CBLC: variants seen among roughly 807,000 people sequenced by gnomAD.
The protein encoded by CBLC is Cbl proto-oncogene C, also known as E3 ubiquitin-protein ligase CBL-C.
In CBLC, 46 loss-of-function variants were observed where a neutral mutation model predicts 58.6. That is an observed-to-expected ratio of 0.79 (90% CI 0.62 to 1.00). The LOEUF (loss-of-function observed/expected upper bound fraction) is 1.00, where lower values mean the gene tolerates loss of function less well. CBLC is among the 50% of genes least tolerant of loss of function. CBLC has a pLI of 0.00. For synonymous variants in CBLC, 271 were observed against 264.2 expected, an observed-to-expected ratio of 1.03 and a Z score of -0.25; for missense variants, 655 against 625.8, an observed-to-expected ratio of 1.05 and a Z score of -0.50.
intron 9 of CBLC, among the ~76,000 whole-genome samples, chr19:44,795,621 G>T (rs1968162196): frequency 6.6e-6 from 1 of 151,992 alleles, no homozygotes; most frequent in Non-Finnish European, 1.5e-5. Flanking sequence ...CAATATAGCG[G>T]AACCCCGTTC....
chr19:44,790,286 G>T (rs184287643), intron 6 of CBLC, among the ~76,000 whole-genome samples, 195 bp downstream of exon 6: 1 of 152,040 alleles, frequency 6.6e-6, no homozygotes, highest in Non-Finnish European at 1.5e-5. Context: ...GGGTGATCAC[G>T]GGGATTAAAT....
rs762265193 is a variant in CBLC at position 44,778,083 on chromosome 19, C to T, written c.152C>T (p.Thr51Ile). ...PPSLRDLLPR[T>I]AQLLREVAHS... ...TCGCTGCGGGACCTGCTGCCCCGCA[C>T]AGCGCAGCTGCTTCGAGAGGTGGCC... The change falls in exon 1 of 11, where the codon ACA (threonine) becomes ATA (isoleucine). Residue 51 changes from threonine (T) to isoleucine (I), a missense_variant. Thr to Ile is a moderately conservative substitution (Grantham distance 89). Transcript: ENST00000647358. The T allele has an allele frequency of 3.2e-5, 52 of 1,607,978 alleles. No individual in the cohort carries two copies. The highest frequency in any genetic ancestry group is 4.2e-5 in the Non-Finnish European group (49 of 1,179,512).
intron 4 of CBLC, among the ~76,000 whole-genome samples, chr19:44,782,720 G>A (rs773303776): frequency 1.4e-4 from 22 of 152,144 alleles, no homozygotes; most frequent in Non-Finnish European, 2.9e-4. Context: ...GACAGTGCCC[G>A]CTCTAGCAAG....
intron 1 of CBLC, 103 bp from the exon 2 acceptor site, chr19:44,780,802 A>G (rs891273833): frequency 3.4e-5 from 41 of 1,210,562 alleles, no homozygotes; most frequent in Non-Finnish European, 4.3e-5. Context: ...CACTGTTGAG[A>G]TAGAGTCCAG....
chr19:44,782,295 C>G, intron 3 of CBLC, 75 bp from the exon 4 acceptor site: 1 of 1,586,716 alleles, frequency 6.3e-7, no homozygotes, highest in Non-Finnish European at 8.6e-7. Context: ...GTTGGATCCT[C>G]GAGCCCTAGG....
Position 44,792,503 on chromosome 19 carries a change from G to T in CBLC, c.1126G>T (p.Ala376Ser). Residue 376 changes from alanine to serine, a missense_variant, in exon 7 of 11, where the codon GCT (alanine) becomes TCT (serine). By Grantham distance (99) the Ala-to-Ser change is moderately conservative (BLOSUM62 1). Transcript: ENST00000647358. ...CGHLLCSCCL[A>S]AWQHSDSQTC... ...GCACCTGCTCTGCAGCTGCTGCCTG[G>T]CTGCCTGGCAGGTGGGTCTGACCCC... 6.2e-7 allele frequency: 1 copy of T among 1,600,192 alleles called. No homozygotes were observed.
intron 5 of CBLC, among the ~76,000 whole-genome samples, chr19:44,784,648 G>A (rs535313298): frequency 6.6e-6 from 1 of 152,288 alleles, no homozygotes; most frequent in East Asian, 1.9e-4. Flanking sequence ...GAAGTGTGTG[G>A]GGCATTGGGC....
chr19:44,785,532 G>GTAGATAGATAGATAGA (rs56894232), intron 5 of CBLC, among the ~76,000 whole-genome samples: 1 of 148,904 alleles, frequency 6.7e-6, no homozygotes, highest in Non-Finnish European at 1.5e-5. Flanking sequence ...AGTCAGATAG[G>GTAGATAGATAGATAGA]TAGATAGATA....
chr19:44,793,478 C>T lies in CBLC; in HGVS notation c.1142C>T (p.Ser381Leu), dbSNP rs753138447. Residue 381 changes from serine to leucine, a missense_variant, in exon 8 of 11, where the codon TCG becomes TTG. Physicochemically the swap from Ser to Leu is moderately radical, Grantham distance 145. Transcript: ENST00000647358. ...TTCCCTCCCGACCTCCCCCAGCACTCGGACAGCCAGACCTGCCCCTTCTGC... is the reference window on the plus strand; with the variant it reads ...TTCCCTCCCGACCTCCCCCAGCACTTGGACAGCCAGACCTGCCCCTTCTGC... The part of the protein sequence containing the change: ...CSCCLAAWQH[S>L]DSQTCPFCRC... 2.5e-6 allele frequency: 4 copies of T among 1,606,784 alleles called. No homozygotes were observed. Among genetic ancestry groups the T allele is most frequent in the Non-Finnish European group, 3.4e-6 (4 of 1,177,084 alleles).
intron 5 of CBLC, among the ~76,000 whole-genome samples, chr19:44,785,674 G>T (rs1488242268): frequency 1.3e-5 from 2 of 151,454 alleles, no homozygotes; most frequent in African/African-American, 2.4e-5. Flanking sequence ...GGTGGTTCAC[G>T]CCTGTAATCC....
chr19:44,799,713 G>GGA (rs1156421882), intron 9 of CBLC, among the ~76,000 whole-genome samples: 203 of 149,184 alleles, frequency 1.4e-3, no homozygotes, highest in African/African-American at 5.0e-3. Context: ...AGAAAGAAAG[G>GGA]GAGAGAAAGA....
chr19:44,785,984 T>TG (rs1284672894), intron 5 of CBLC, among the ~76,000 whole-genome samples: 1 of 151,514 alleles, frequency 6.6e-6, no homozygotes, highest in African/African-American at 2.4e-5. Context: ...GAGATGGGGG[T>TG]GGGGTGTGGC....
intron 9 of CBLC, among the ~76,000 whole-genome samples, chr19:44,799,699 AGAGAGAAAGAAAGG>A (rs966168010): frequency 2.0e-5 from 3 of 150,828 alleles, no homozygotes; most frequent in Admixed American, 6.6e-5. Context: ...AAAGAAAGAG[AGAGAGAAAGAAAGG>A]GAGAGAAAGA....
At chr19:44,799,862 GAAAA>G (rs1291565593) in intron 9 of CBLC, among the ~76,000 whole-genome samples, 1 of 151,426 alleles carries the variant, frequency 6.6e-6, no homozygotes, top group Non-Finnish European at 1.5e-5. Flanking sequence ...AGAAAAAGAA[GAAAA>G]AAGAAAGAGA....
At chr19:44,786,451 C>T (rs934851282) in intron 5 of CBLC, among the ~76,000 whole-genome samples, 5 of 150,870 alleles carry the variant, frequency 3.3e-5, no homozygotes, top group Admixed American at 1.3e-4. Flanking sequence ...AAAAATTAGC[C>T]GGGCGTGGTG....
intron 5 of CBLC, among the ~76,000 whole-genome samples, chr19:44,788,049 G>A (rs180679478): frequency 4.1e-4 from 62 of 151,400 alleles, no homozygotes; most frequent in Middle Eastern, 6.9e-3. Flanking sequence ...CTCCCTCTTC[G>A]GCCTCCCAAA....
chr19:44,790,753 T>TA (rs1968026190), intron 6 of CBLC, among the ~76,000 whole-genome samples: 1 of 152,184 alleles, frequency 6.6e-6, no homozygotes, highest in Admixed American at 6.5e-5. Context: ...TTTTTTAGTA[T>TA]AAATATATCC....
At position 44,790,060 on chromosome 19, in the gene CBLC, C is replaced by A. The variant is rs745945780; in HGVS notation, c.974C>A (p.Ala325Glu). 2.5e-6 allele frequency: 4 copies of A among 1,613,976 alleles called. No individual in the cohort carries two copies. In the South Asian group the frequency reaches 4.4e-5, roughly 18 times the overall value. Reference sequence around the variant, plus strand: ...CCAGACCTGACTGAGCTCGGCCAGGCAGAACCCCAGCAGCGCATCCACGTG... The same window carrying A: ...CCAGACCTGACTGAGCTCGGCCAGGAAGAACCCCAGCAGCGCATCCACGTG... ...HNPDLTELGQ[A>E]EPQQRIHVSE... Residue 325 changes from alanine to glutamate, a missense_variant, in exon 6 of 11, where the codon GCA becomes GAA. Ala to Glu is a moderately radical substitution (Grantham distance 107). Coordinates refer to ENST00000647358, the MANE Select transcript of CBLC (RefSeq NM_012116.4).
intron 5 of CBLC, among the ~76,000 whole-genome samples, chr19:44,786,973 G>A (rs887649422): frequency 1.3e-5 from 2 of 152,146 alleles, no homozygotes; most frequent in African/African-American, 2.4e-5. Flanking sequence ...TATAATCCCA[G>A]CTACTCAGGA....
Sources: allele counts gnomAD v4.1 joint callset (sites outside exome capture counted in the v4.1 genomes callset), GRCh38; gene constraint gnomAD v4.1.1; transcripts MANE v1.5; gene names NCBI Gene and HGNC (gene_info 2026-07-23, HGNC 2026-07-21).